OPCML: variants seen among roughly 807,000 people sequenced by gnomAD.
OPCML encodes the protein opioid binding protein/cell adhesion molecule like.
A neutral mutation model predicts 37.8 loss-of-function variants in OPCML; 13 were observed. That is an observed-to-expected ratio of 0.34 (90% CI 0.22 to 0.55). The LOEUF (loss-of-function observed/expected upper bound fraction) is 0.55, where lower values mean the gene tolerates loss of function less well. OPCML is among the 20% of genes least tolerant of loss of function. OPCML has a pLI of 0.91. For synonymous variants in OPCML, 176 were observed against 168.8 expected (o/e 1.04, Z -0.33); for missense variants, 341 against 435.6 (o/e 0.78, Z 1.93).
intron 1 of OPCML, among the ~76,000 whole-genome samples, chr11:133,062,593 C>A (rs556715673): frequency 1.3e-5 from 2 of 152,122 alleles, no homozygotes; most frequent in South Asian, 4.2e-4. Flanking sequence ...AGGTTCCAAC[C>A]CTTCATCCCT....
At chr11:133,363,968 G>T (rs573232604) in intron 1 of OPCML, among the ~76,000 whole-genome samples, 1 of 152,078 alleles carries the variant, frequency 6.6e-6, no homozygotes, top group Non-Finnish European at 1.5e-5. Context: ...TAGCCCTGAC[G>T]CTGCACAGCA....
chr11:133,517,175 G>A (rs1235318308), intron 1 of OPCML, among the ~76,000 whole-genome samples: 2 of 152,134 alleles, frequency 1.3e-5, no homozygotes, highest in East Asian at 1.9e-4. Context: ...AGTGATACAC[G>A]GATGTGAAAG....
chr11:132,955,485 C>T (rs1414249257), intron 1 of OPCML, among the ~76,000 whole-genome samples: 1 of 152,084 alleles, frequency 6.6e-6, no homozygotes, highest in African/African-American at 2.4e-5. Flanking sequence ...CAGATGCTAT[C>T]TAATGTAATC....
intron 1 of OPCML, among the ~76,000 whole-genome samples, chr11:132,950,175 G>A (rs1229835066): frequency 1.3e-5 from 2 of 152,172 alleles, no homozygotes; most frequent in Non-Finnish European, 2.9e-5. Flanking sequence ...AAAGAGACGG[G>A]TTGTGATTGA....
intron 2 of OPCML, among the ~76,000 whole-genome samples, chr11:132,939,284 C>T (rs1021571967): frequency 1.4e-4 from 21 of 152,328 alleles, no homozygotes; most frequent in African/African-American, 5.1e-4. Flanking sequence ...GCCCAGGTTG[C>T]TTTGGCAAAA....
intron 1 of OPCML, among the ~76,000 whole-genome samples, chr11:133,354,246 A>G (rs61912388): frequency 1.0e-2 from 443 of 44,456 alleles, no homozygotes; most frequent in African/African-American, 0.022. Flanking sequence ...TGGTGGTGAT[A>G]ATGGTGATAG....
intron 1 of OPCML, among the ~76,000 whole-genome samples, chr11:132,944,154 G>C (rs1351975626): frequency 6.6e-6 from 1 of 151,974 alleles, no homozygotes; most frequent in Non-Finnish European, 1.5e-5. Flanking sequence ...GAGAGAACGC[G>C]GCGCCCCTCG....
chr11:133,286,861 C>T lies in OPCML; in HGVS notation c.61+245403G>A, dbSNP rs776377085. ...CATGAACCGGTCAATCATTATTTGT[C>T]GAGCACCTACCCTATCTGAGGCACT... On this transcript the variant is annotated intron_variant, in intron 1 of 7. Transcript: ENST00000524381. 2.0e-5 allele frequency among the ~76,000 whole-genome samples: 3 copies of T among 152,148 alleles called. No individual in the cohort carries two copies. In the East Asian group the frequency reaches 5.8e-4, roughly 29 times the overall value.
At chr11:132,638,186 T>TATATATATATATATACACAC (rs71067383) in intron 3 of OPCML, among the ~76,000 whole-genome samples, 1 of 131,020 alleles carries the variant, frequency 7.6e-6, no homozygotes, top group Non-Finnish European at 1.6e-5. Context: ...TATATATATA[T>TATATATATATATATACACAC]ACAGAGAGAG....
At chr11:132,712,604 CCAGCTCCGCGCCG>C (rs1232683896) in intron 2 of OPCML, among the ~76,000 whole-genome samples, 11 of 152,196 alleles carry the variant, frequency 7.2e-5, no homozygotes, top group Non-Finnish European at 1.3e-4. Context: ...GGCTGTATTG[CCAGCTCCGCGCCG>C]CGTGTCAATA....
Position 132,863,137 on chromosome 11 carries a change from C to G in OPCML, c.146+79789G>C, listed in dbSNP as rs145674203. Among the ~76,000 whole-genome samples the G allele has an allele frequency of 7.0e-3, 1,067 of 152,072 alleles. 10 individuals carry two copies. The highest frequency in any genetic ancestry group is 0.024 in the African/African-American group (1,010 of 41,478). On this transcript the variant is annotated intron_variant, in intron 2 of 7. Coordinates refer to ENST00000524381, the MANE Select transcript of OPCML (RefSeq NM_001012393.5). ...CTGCCTGTAGCTACATGGCATGGGG[C>G]GTGATCAGACCCTTCCTGCCTGTAG...
chr11:132,695,684 G>C (rs1943575221), intron 2 of OPCML, among the ~76,000 whole-genome samples: 1 of 152,178 alleles, frequency 6.6e-6, no homozygotes, highest in Non-Finnish European at 1.5e-5. Context: ...GATCTCACTA[G>C]ACACATCTAT....
chr11:132,964,423 C>G (rs1302656621), intron 1 of OPCML, among the ~76,000 whole-genome samples: 1 of 152,144 alleles, frequency 6.6e-6, no homozygotes, highest in Non-Finnish European at 1.5e-5. Flanking sequence ...GATTCCACCC[C>G]TGAGTAACTA....
chr11:133,129,652 C>A (rs1949574044), intron 1 of OPCML, among the ~76,000 whole-genome samples: 1 of 152,076 alleles, frequency 6.6e-6, no homozygotes, highest in Non-Finnish European at 1.5e-5. Flanking sequence ...CTTATAATTC[C>A]AGCATTTTGA....
At chr11:133,249,012 C>T (rs894299846) in intron 1 of OPCML, among the ~76,000 whole-genome samples, 2 of 152,168 alleles carry the variant, frequency 1.3e-5, no homozygotes, top group African/African-American at 4.8e-5. Context: ...AGAGCTGTTG[C>T]CGGTATAAAA....
chr11:132,845,815 A>AT (rs1319883300), intron 2 of OPCML, among the ~76,000 whole-genome samples: 1 of 151,532 alleles, frequency 6.6e-6, no homozygotes, highest in South Asian at 2.1e-4. Context: ...CATTATTATT[A>AT]TTTTTTTCTA....
intron 1 of OPCML, among the ~76,000 whole-genome samples, chr11:133,077,712 C>G (rs1591979738): frequency 6.6e-6 from 1 of 152,064 alleles, no homozygotes; most frequent in Non-Finnish European, 1.5e-5. Flanking sequence ...GGGATGAATA[C>G]TTTGTTTCTA....
chr11:133,000,340 C>T (rs1017267202), intron 1 of OPCML, among the ~76,000 whole-genome samples: 3 of 152,140 alleles, frequency 2.0e-5, no homozygotes, highest in East Asian at 1.9e-4. Context: ...CTCGAACTCC[C>T]GTCCTCAAGC....
At chr11:132,807,330 G>A (rs959413946) in intron 2 of OPCML, among the ~76,000 whole-genome samples, 2 of 152,030 alleles carry the variant, frequency 1.3e-5, no homozygotes, top group Non-Finnish European at 2.9e-5. Context: ...GAATAAACAT[G>A]AGTCTATCAC....
Sources: gnomAD v4.1 joint callset for allele counts (sites outside exome capture counted in the v4.1 genomes callset) on GRCh38, gnomAD v4.1.1 for gene constraint, MANE v1.5 for transcripts, NCBI Gene and HGNC (gene_info 2026-07-23, HGNC 2026-07-21) for gene names.